Variants in MYT1 observed in about 807,000 individuals in gnomAD.
MYT1 encodes the protein myelin transcription factor I.
In MYT1, 23 loss-of-function variants were observed where a neutral mutation model predicts 123.0. That is an observed-to-expected ratio of 0.19 (90% CI 0.13 to 0.26). The LOEUF is 0.26. MYT1 is among the 10% of genes least tolerant of loss of function. The pLI is 1.00. For missense variants in MYT1, 1,125 were observed against 1,472.5 expected (o/e 0.76, Z 3.86); for synonymous variants, 518 against 575.3 (o/e 0.90, Z 1.43).
intron 4 of MYT1, among the ~76,000 whole-genome samples, chr20:64,204,766 A>G (rs1003716011): frequency 1.3e-5 from 2 of 152,176 alleles, no homozygotes; most frequent in Admixed American, 6.5e-5. Flanking sequence ...CAGCTAGTGG[A>G]ATGCCTGCCG....
chr20:64,170,884 T>TAGAGAGAGAGAGAGAGAG (rs71197459), intron 1 of MYT1, among the ~76,000 whole-genome samples: 1 of 20,010 alleles, frequency 5.0e-5, no homozygotes, highest in Non-Finnish European at 7.9e-5. Context: ...TATATATATA[T>TAGAGAGAGAGAGAGAGAG]AGAGAGAGAG....
intron 8 of MYT1, among the ~76,000 whole-genome samples, 181 bp downstream of exon 8, chr20:64,211,521 G>A (rs1007402881): frequency 2.6e-5 from 4 of 152,180 alleles, no homozygotes; most frequent in African/African-American, 9.7e-5. Context: ...GCCCAAACTT[G>A]AGCCCTTTGA....
chr20:64,241,460 T>C lies in MYT1; in HGVS notation c.*1012T>C, dbSNP rs942329621. On this transcript the variant is annotated 3_prime_UTR_variant, in exon 23 of 23. Coordinates refer to ENST00000328439, the MANE Select transcript of MYT1 (RefSeq NM_004535.3). The surrounding 1 kb of genome is among the most constrained non-coding windows in gnomAD (Gnocchi z 4.2). ...CCGTGTAAATAGAATCCAAGTCAATTGTGACTGCAATTCCAAGTTAGTATT... is the reference window on the plus strand; with the variant it reads ...CCGTGTAAATAGAATCCAAGTCAATCGTGACTGCAATTCCAAGTTAGTATT... 2 of 152,610 alleles carry C rather than the reference T, an allele frequency of 1.3e-5. No homozygotes were observed. Among genetic ancestry groups the C allele is most frequent in the African/African-American group, 4.8e-5 (2 of 41,468 alleles). The allele number at this position is 152,610 out of a possible 1,614,324, so 9.5% of individuals were successfully genotyped here. A position where few individuals can be genotyped will look rare whatever the true frequency, so the allele number is the denominator to read the frequency against.
At position 64,192,180 on chromosome 20, in the gene MYT1, C is replaced by T. The variant is rs922761750; in HGVS notation, c.-1+2020C>T. On this transcript the variant is annotated intron_variant, in intron 2 of 22. Transcript: ENST00000328439. The surrounding 1 kb of genome is among the most constrained non-coding windows in gnomAD (Gnocchi z 5.3). ...AGCCAGGGACCCGTGCCCAGGTTCTCGTGGCATCACCAGCTCTTTCATCAC... is the reference window on the plus strand; with the variant it reads ...AGCCAGGGACCCGTGCCCAGGTTCTTGTGGCATCACCAGCTCTTTCATCAC... 2.0e-5 allele frequency among the ~76,000 whole-genome samples: 3 copies of T among 152,220 alleles called. No homozygotes were observed. The highest frequency in any genetic ancestry group is 1.9e-4 in the East Asian group (1 of 5,200).
Position 64,176,392 on chromosome 20 carries a change from G to T in MYT1, c.-99+11653G>T, listed in dbSNP as rs367828805. Among the ~76,000 whole-genome samples, 21 of 149,382 alleles carry T rather than the reference G, an allele frequency of 1.4e-4. No homozygotes were observed. The East Asian group carries it at 1.4e-3, about 10-fold the overall frequency. On this transcript the variant is annotated intron_variant, in intron 1 of 22. Coordinates refer to ENST00000328439, the MANE Select transcript of MYT1 (RefSeq NM_004535.3). ...TTTCCCCTCCCTGGCTTCTCCTGCA[G>T]CATCTTTCCCTGTAGTTGTGTCCAT...
rs781278694 is a variant in MYT1, at chr20:64,205,108, C to G, written c.149+11C>G. On this transcript the variant is annotated intron_variant, in intron 5 of 22. Coordinates refer to ENST00000328439, the MANE Select transcript of MYT1 (RefSeq NM_004535.3). ...CTCCAGGCACCGAAGGTAAGAGGAC[C>G]CTTGGATCTCACGGAGATTCCTGGG... The G allele has an allele frequency of 1.2e-6, 2 of 1,613,890 alleles. No individual in the cohort carries two copies. The highest frequency in any genetic ancestry group is 1.7e-6 in the Non-Finnish European group (2 of 1,179,926).
rs568192042 is a variant in MYT1 at position 64,166,965 on chromosome 20, G to T, written c.-99+2226G>T. ...TGTCCCTGCTGTGGATGTGGTGGGC[G>T]CTCTCCCTGGTGCTGCTCAGAGACT... On this transcript the variant is annotated intron_variant, in intron 1 of 22. Transcript: ENST00000328439. This position sits in a 1 kb window ranked among gnomAD's most constrained non-coding sequence, Gnocchi z 4.9. Among the ~76,000 whole-genome samples, 1 of 152,104 alleles carries T rather than the reference G, an allele frequency of 6.6e-6. No individual in the cohort carries two copies. The highest frequency in any genetic ancestry group is 6.5e-5 in the Admixed American group (1 of 15,272).
rs1983746128 is a variant in MYT1, at chr20:64,213,567, A to G, written c.1551A>G (p.Lys517=). The G allele has an allele frequency of 6.2e-7, 1 of 1,613,932 alleles. No homozygotes were observed. The highest frequency in any genetic ancestry group is 1.3e-5 in the African/African-American group (1 of 74,886). ...LSGCPIAAAE[K]LAKSHEKQQP... is the part of the protein sequence containing the mutation. ...GGTGTCCCATTGCTGCCGCCGAAAA[A>G]TTAGCCAAATCCCATGAGAAGCAGC... The change falls in exon 10 of 23, where the codon AAA becomes AAG. Residue 517 remains lysine, a synonymous_variant. Transcript: ENST00000328439. This position sits in a 1 kb window ranked among gnomAD's most constrained non-coding sequence, Gnocchi z 5.6.
At chr20:64,236,243 T>C (rs1437128957) in intron 19 of MYT1, among the ~76,000 whole-genome samples, 6 of 129,428 alleles carry the variant, frequency 4.6e-5, no homozygotes, top group African/African-American at 1.7e-4. Flanking sequence ...GGGATGGCTG[T>C]GGTGGGTGAC....
Position 64,232,062 on chromosome 20 carries a change from C to A in MYT1, c.2676-102C>A. On this transcript the variant is annotated intron_variant, in intron 18 of 22. Coordinates refer to ENST00000328439, the MANE Select transcript of MYT1 (RefSeq NM_004535.3). This position sits in a 1 kb window ranked among gnomAD's most constrained non-coding sequence, Gnocchi z 6.9. The stretch of plus-strand genomic sequence containing the variant: ...CCTGCCTCACTCAGAAGCCCTTTAA[C>A]GGCTCTGAGTTGGGCTCCCCTTGTG... 2.5e-6 allele frequency: 3 copies of A among 1,198,462 alleles called. No homozygotes were observed. The highest frequency in any genetic ancestry group is 1.3e-5 in the South Asian group (1 of 74,906). 74.2% of individuals were successfully genotyped at this position (1,198,462 alleles called of 1,614,324 possible). A position where few individuals can be genotyped will look rare whatever the true frequency, so the allele number is the denominator to read the frequency against.
chr20:64,223,056 C>T (rs1984057351), intron 14 of MYT1, 55 bp from the exon 15 acceptor site: 1 of 1,602,238 alleles, frequency 6.2e-7, no homozygotes, highest in Non-Finnish European at 8.6e-7. Context: ...CAGGCTCAGC[C>T]TGGGGGGCAG....
Position 64,208,357 on chromosome 20 carries a change from G to A in MYT1, c.1161G>A (p.Leu387=). ...NLGLLEQAIA[L]KAEQVRTVCE... The stretch of plus-strand genomic sequence containing the variant: ...GCCTCCTGGAGCAGGCCATCGCCCT[G>A]AAGGCTGAACAGGTGCGCACAGTCT... Residue 387 remains leucine (L), a synonymous_variant, in exon 7 of 23, where the codon CTG becomes CTA. Coordinates refer to ENST00000328439, the MANE Select transcript of MYT1 (RefSeq NM_004535.3). The surrounding 1 kb of genome is among the most constrained non-coding windows in gnomAD (Gnocchi z 5.4). 6.2e-7 allele frequency: 1 copy of A among 1,613,920 alleles called. No individual in the cohort carries two copies. Among genetic ancestry groups the A allele is most frequent in the Non-Finnish European group, 8.5e-7 (1 of 1,180,010 alleles).
In MYT1 at chr20:64,222,185, C is replaced by G. The variant is rs1050471557; in HGVS notation, c.2396+138C>G. ...GTCCTGACCACCTCGAGCCAGGCAGCCTGTGACAGGAGCCAGGGTATTCAG... is the reference window on the plus strand; with the variant it reads ...GTCCTGACCACCTCGAGCCAGGCAGGCTGTGACAGGAGCCAGGGTATTCAG... On this transcript the variant is annotated intron_variant, in intron 14 of 22. Coordinates refer to ENST00000328439, the MANE Select transcript of MYT1 (RefSeq NM_004535.3). 5.7e-6 allele frequency: 5 copies of G among 872,228 alleles called. No individual in the cohort carries two copies. In the East Asian group the frequency reaches 1.0e-4, roughly 18 times the overall value. The allele number at this position is 872,228 out of a possible 1,614,324, so 54.0% of individuals were successfully genotyped here.
intron 21 of MYT1, among the ~76,000 whole-genome samples, chr20:64,238,834 C>A (rs1249906460): frequency 6.6e-6 from 1 of 152,234 alleles, no homozygotes; most frequent in Non-Finnish European, 1.5e-5. Context: ...TTACTAGCAT[C>A]CCTTTGGAAG....
intron 1 of MYT1, among the ~76,000 whole-genome samples, chr20:64,182,177 T>C (rs2145697532): frequency 6.6e-6 from 1 of 152,340 alleles, no homozygotes; most frequent in African/African-American, 2.4e-5. Flanking sequence ...TTGTTTTTTT[T>C]CCTTTCGAAT....
rs1435312124 is a variant in MYT1, at chr20:64,193,425, C to T, written c.-1+3265C>T. Among the ~76,000 whole-genome samples, 1 of 152,164 alleles carries T rather than the reference C, an allele frequency of 6.6e-6. No individual in the cohort carries two copies. Among genetic ancestry groups the T allele is most frequent in the East Asian group, 1.9e-4 (1 of 5,196 alleles). On this transcript the variant is annotated intron_variant, in intron 2 of 22. Coordinates refer to ENST00000328439, the MANE Select transcript of MYT1 (RefSeq NM_004535.3). The surrounding 1 kb of genome is among the most constrained non-coding windows in gnomAD (Gnocchi z 4.0). ...GAGCAACACAAATGCTTGAATGCTG[C>T]TCTTAGATCGTTGAGTGGGAGCTTG...
At chr20:64,172,741 CT>C (rs33943131) in intron 1 of MYT1, among the ~76,000 whole-genome samples, 1,639 of 95,468 alleles carry the variant, frequency 0.017, 10 homozygotes, top group African/African-American at 0.06. Flanking sequence ...GCCATACCCT[CT>C]TTTTTTTTTT....
Position 64,236,653 on chromosome 20 carries a change from A to G in MYT1, c.2989+7A>G. ...AAGTTCAAGACTAGCGACGGTAAGG[A>G]TGGCTTCCTGGATTTCCCTGCTCAT... On this transcript the variant is annotated splice_region_variant and intron_variant, in intron 20 of 22. Coordinates refer to ENST00000328439, the MANE Select transcript of MYT1 (RefSeq NM_004535.3). 1.2e-6 allele frequency: 2 copies of G among 1,612,336 alleles called. No homozygotes were observed. Among genetic ancestry groups the G allele is most frequent in the Non-Finnish European group, 1.7e-6 (2 of 1,178,590 alleles).
At chr20:64,217,323 T>C in intron 11 of MYT1, 42 bp downstream of exon 11, 1 of 1,597,158 alleles carries the variant, frequency 6.3e-7, no homozygotes, top group Non-Finnish European at 8.6e-7. Flanking sequence ...TCTGTGTTGC[T>C]CCTGGGAGGG....
Sources: allele counts gnomAD v4.1 joint callset (sites outside exome capture counted in the v4.1 genomes callset), GRCh38; gene constraint gnomAD v4.1.1; non-coding constraint Gnocchi (gnomAD v3.1); transcripts MANE v1.5; gene names NCBI Gene and HGNC (gene_info 2026-07-23, HGNC 2026-07-21).